FGD3: variants seen among roughly 807,000 people sequenced by gnomAD.
FGD3 encodes FYVE, RhoGEF and PH domain-containing protein 3.
FGD3 carries 45 observed loss-of-function variants against 71.8 expected under a neutral mutation model. The observed-to-expected ratio is 0.63, with a 90% CI of 0.49 to 0.80. The LOEUF (loss-of-function observed/expected upper bound fraction) is 0.80, where lower values mean the gene tolerates loss of function less well. FGD3 is among the 30% of genes least tolerant of loss of function. FGD3 has a pLI of 0.00. For missense variants in FGD3, 844 were observed against 951.5 expected (o/e 0.89, Z 1.49); for synonymous variants, 378 against 392.8 (o/e 0.96, Z 0.44).
chr9:93,000,794 G>T (rs1860831579), intron 3 of FGD3, among the ~76,000 whole-genome samples: 1 of 152,106 alleles, frequency 6.6e-6, no homozygotes, highest in Non-Finnish European at 1.5e-5. Context: ...CCAGTTGGAG[G>T]TCTTTGAGAT....
Position 93,035,735 on chromosome 9 carries a change from G to T in FGD3, c.*146G>T. 2.4e-6 allele frequency: 3 copies of T among 1,250,528 alleles called. No homozygotes were observed. The highest frequency in any genetic ancestry group is 3.2e-6 in the Non-Finnish European group (3 of 940,514). 77.5% of individuals were successfully genotyped at this position (1,250,528 alleles called of 1,614,324 possible). A position where few individuals can be genotyped will look rare whatever the true frequency, so the allele number is the denominator to read the frequency against. On this transcript the variant is annotated 3_prime_UTR_variant, in exon 18 of 18. Coordinates refer to ENST00000375482, the MANE Select transcript of FGD3 (RefSeq NM_001083536.2). ...CAGGACACTTGGCTTTGGGGGGAAG[G>T]AAACTGAGGCCCAGAGAGGGGCAAC...
intron 16 of FGD3, 102 bp downstream of exon 16, chr9:93,032,975 G>A (rs973067453): frequency 8.8e-6 from 10 of 1,136,996 alleles, no homozygotes; most frequent in Non-Finnish European, 1.1e-5. Flanking sequence ...CTTTCGGAGT[G>A]TCCCTGGGAC....
chr9:93,002,370 G>A (rs535990011), intron 3 of FGD3, among the ~76,000 whole-genome samples: 79 of 152,240 alleles, frequency 5.2e-4, no homozygotes, highest in African/African-American at 1.8e-3. Context: ...GATAGGTTGA[G>A]TCCAGGAGTT....
intron 3 of FGD3, among the ~76,000 whole-genome samples, chr9:92,991,377 C>G (rs1421752744): frequency 6.6e-6 from 1 of 152,190 alleles, no homozygotes; most frequent in African/African-American, 2.4e-5. Context: ...TTGCACCCGG[C>G]CCTTAAATTT....
intron 3 of FGD3, among the ~76,000 whole-genome samples, chr9:92,989,340 C>T (rs200592672): frequency 4.4e-4 from 67 of 152,166 alleles, no homozygotes; most frequent in South Asian, 4.1e-4. Flanking sequence ...TGATCCACCG[C>T]GCCTGGCCAA....
At chr9:92,962,896 C>T (rs1413224590) in intron 1 of FGD3, among the ~76,000 whole-genome samples, 2 of 149,624 alleles carry the variant, frequency 1.3e-5, no homozygotes, top group Non-Finnish European at 3.0e-5. Context: ...GCTGACTTTG[C>T]GCCACTGCAC....
chr9:93,017,747 T>A (rs762869091), intron 10 of FGD3, among the ~76,000 whole-genome samples: 12 of 152,158 alleles, frequency 7.9e-5, no homozygotes, highest in Non-Finnish European at 1.8e-4. Context: ...CTTTCCATCC[T>A]AAGGGGACGT....
chr9:93,006,100 A>T lies in FGD3; in HGVS notation c.757A>T (p.Asn253Tyr), dbSNP rs569587664. 20 of 1,613,376 alleles carry T rather than the reference A, an allele frequency of 1.2e-5. No homozygotes were observed. Among genetic ancestry groups the T allele is most frequent in the Admixed American group, 8.3e-5 (5 of 59,884 alleles). The change falls in exon 6 of 18, where the codon AAC becomes TAC. Residue 253 changes from asparagine to tyrosine, a missense_variant. Asn to Tyr is a moderately radical substitution (Grantham distance 143). Coordinates refer to ENST00000375482, the MANE Select transcript of FGD3 (RefSeq NM_001083536.2). ...GAAGATGTACGGCGAGTATGTCAAG[A>T]ACTTTGACCGAGCCGTAGGGCTGGT... ...FLKMYGEYVK[N>Y]FDRAVGLVST... is the part of the protein sequence containing the mutation.
chr9:92,968,188 CTT>C (rs1370859586), intron 1 of FGD3, among the ~76,000 whole-genome samples: 1 of 152,128 alleles, frequency 6.6e-6, no homozygotes, highest in Non-Finnish European at 1.5e-5. Context: ...TGTCCAGCCT[CTT>C]CTCCCAGTCC....
chr9:92,997,159 C>T lies in FGD3; in HGVS notation c.454-5766C>T, dbSNP rs537136038. Among the ~76,000 whole-genome samples the T allele has an allele frequency of 1.6e-3, 248 of 152,264 alleles. 1 individual carries two copies. Among genetic ancestry groups the T allele is most frequent in the African/African-American group, 5.8e-3 (241 of 41,538 alleles). ...ACTTGCTTTATGAATATGGGTGCTC[C>T]TGTATTGGGTGCATATATATTTAGG... On this transcript the variant is annotated intron_variant, in intron 3 of 17. Coordinates refer to ENST00000375482, the MANE Select transcript of FGD3 (RefSeq NM_001083536.2).
chr9:92,947,844 GC>G, intron 1 of FGD3, 115 bp downstream of exon 1: 1 of 152,608 alleles, frequency 6.6e-6, no homozygotes, highest in Non-Finnish European at 1.5e-5. Context: ...TCTCCAGGGG[GC>G]GGGCTGGTGA....
Position 93,010,374 on chromosome 9 carries a change from G to A in FGD3, c.966G>A (p.Lys322=), listed in dbSNP as rs1861267208. The part of the protein sequence containing the change: ...KRLPQDAPDR[K]DAERSLELIS... ...TCCCGCAGGACGCCCCAGACCGGAA[G>A]GATGCGGAGAGTGAGCTGGGGCCAA... Residue 322 remains lysine (K), a synonymous_variant, in exon 7 of 18, where the codon AAG becomes AAA. Transcript: ENST00000375482. 1 of 1,608,996 alleles carries A rather than the reference G, an allele frequency of 6.2e-7. No homozygotes were observed. The highest frequency in any genetic ancestry group is 1.3e-5 in the African/African-American group (1 of 74,846).
At chr9:93,022,474 G>GCA in intron 14 of FGD3, 85 bp downstream of exon 14, 6 of 1,461,362 alleles carry the variant, frequency 4.1e-6, no homozygotes, top group Middle Eastern at 1.8e-4. Flanking sequence ...AAGATGGAGA[G>GCA]GGAGGGTCAG....
chr9:92,996,371 T>A (rs1860644024), intron 3 of FGD3, among the ~76,000 whole-genome samples: 1 of 152,224 alleles, frequency 6.6e-6, no homozygotes, highest in Non-Finnish European at 1.5e-5. Context: ...TCTCTTTTCT[T>A]CTTTATTAGT....
rs377499275 is a variant in FGD3, at chr9:92,980,948, G to A, written c.453+4239G>A. 5.7e-3 allele frequency among the ~76,000 whole-genome samples: 857 copies of A among 150,452 alleles called. 8 individuals are homozygous for A. The highest frequency in any genetic ancestry group is 0.019 in the African/African-American group (782 of 40,888). The stretch of plus-strand genomic sequence containing the variant: ...ATCCCGCCACTGTGCTCTAGGCTGG[G>A]CGACAGAGCAAGACTCCATCTCAAA... On this transcript the variant is annotated intron_variant, in intron 3 of 17. Transcript: ENST00000375482.
At chr9:92,967,825 G>A (rs975536279) in intron 1 of FGD3, among the ~76,000 whole-genome samples, 3 of 152,028 alleles carry the variant, frequency 2.0e-5, no homozygotes, top group African/African-American at 4.8e-5. Context: ...CGCCCGCCTC[G>A]GCCTCCCAAG....
In FGD3 at chr9:92,966,110, A is replaced by G. The variant is rs1859316105; in HGVS notation, c.-217-9128A>G. On this transcript the variant is annotated intron_variant, in intron 1 of 17. Coordinates refer to ENST00000375482, the MANE Select transcript of FGD3 (RefSeq NM_001083536.2). ...ATGAGGACCTTCATTCATCCCTTAC[A>G]TTTCTCCCCGTGTCCTGCCTTCTTC... is the stretch of plus-strand genomic sequence containing the variant. Among the ~76,000 whole-genome samples, 4 of 152,100 alleles carry G rather than the reference A, an allele frequency of 2.6e-5. No homozygotes were observed. The South Asian group carries it at 8.3e-4, about 32-fold the overall frequency.
At chr9:92,951,905 G>A (rs1858961453) in intron 1 of FGD3, among the ~76,000 whole-genome samples, 1 of 152,148 alleles carries the variant, frequency 6.6e-6, no homozygotes, top group African/African-American at 2.4e-5. Flanking sequence ...GCTGCAGAGA[G>A]GATGCCTCTG....
chr9:93,013,275 G>A (rs945737211), intron 8 of FGD3, among the ~76,000 whole-genome samples: 3 of 152,208 alleles, frequency 2.0e-5, no homozygotes, highest in African/African-American at 7.2e-5. Context: ...GTCCAAGGAC[G>A]GGGCTTCCAA....
Sources: allele counts gnomAD v4.1 joint callset (sites outside exome capture counted in the v4.1 genomes callset), GRCh38; gene constraint gnomAD v4.1.1; transcripts MANE v1.5; gene names NCBI Gene and HGNC (gene_info 2026-07-23, HGNC 2026-07-21).